Variants in PRR16 observed in about 807,000 individuals in gnomAD.
PRR16 encodes the protein protein Largen.
Under a neutral mutation model 18.2 loss-of-function variants are expected in PRR16, and 6 were observed. The ratio of observed to expected loss-of-function variants is 0.33; its 90% CI spans 0.18 to 0.65. The LOEUF is 0.65. Ranked by LOEUF, PRR16 falls within the 30% of genes least tolerant of loss-of-function variation. The pLI is 0.74. For synonymous variants in PRR16, 151 were observed against 147.8 expected (o/e 1.02, Z -0.16); for missense variants, 412 against 376.6 (o/e 1.09, Z -0.78).
intron 1 of PRR16, among the ~76,000 whole-genome samples, chr5:120,628,494 T>C (rs1420094186): frequency 1.3e-5 from 2 of 152,074 alleles, no homozygotes; most frequent in Non-Finnish European, 2.9e-5. Flanking sequence ...CTAGGAAGCA[T>C]ATCAATGTAT....
chr5:120,728,261 C>A, the PRR16 span, among the ~76,000 whole-genome samples: 2 of 150,806 alleles, frequency 1.3e-5, no homozygotes, highest in Non-Finnish European at 3.0e-5. Context: ...TAATTATAAG[C>A]ATTAAGACAT....
chr5:120,489,269 A>T, intron 1 of PRR16, among the ~76,000 whole-genome samples: 1 of 152,092 alleles, frequency 6.6e-6, no homozygotes, highest in Non-Finnish European at 1.5e-5. Context: ...GTCTCCCATT[A>T]TTATTGTGTG....
At chr5:120,745,761 C>T in the PRR16 span, among the ~76,000 whole-genome samples, 14 of 151,578 alleles carry the variant, frequency 9.2e-5, no homozygotes, top group Non-Finnish European at 1.8e-4. Context: ...TGCAGTGGGG[C>T]GATCTCAGCT....
At chr5:120,646,417 A>G (rs543984473) in intron 1 of PRR16, among the ~76,000 whole-genome samples, 1 of 152,112 alleles carries the variant, frequency 6.6e-6, no homozygotes, top group African/African-American at 2.4e-5. Context: ...TTAGCAGCCA[A>G]GATGAGAGTA....
chr5:120,628,875 A>G (rs1393898419), intron 1 of PRR16, among the ~76,000 whole-genome samples: 2 of 152,028 alleles, frequency 1.3e-5, no homozygotes, highest in Non-Finnish European at 2.9e-5. Flanking sequence ...TCACTTAAAG[A>G]GATACTTTTT....
chr5:120,486,044 T>G (rs949330780), intron 1 of PRR16, among the ~76,000 whole-genome samples: 1 of 152,196 alleles, frequency 6.6e-6, no homozygotes, highest in African/African-American at 2.4e-5. Flanking sequence ...TAATCCAGTC[T>G]ATCATTGTTG....
At chr5:120,621,246 A>T (rs1484475782) in intron 1 of PRR16, among the ~76,000 whole-genome samples, 1 of 152,046 alleles carries the variant, frequency 6.6e-6, no homozygotes, top group African/African-American at 2.4e-5. Context: ...GATTTTTTTG[A>T]AATATAAAGG....
chr5:120,761,562 A>T, the PRR16 span, among the ~76,000 whole-genome samples: 1 of 152,172 alleles, frequency 6.6e-6, no homozygotes, highest in African/African-American at 2.4e-5. Context: ...TTATTTTAAA[A>T]TCAAGGTATA....
At chr5:120,777,148 G>A in the PRR16 span, among the ~76,000 whole-genome samples, 6 of 151,870 alleles carry the variant, frequency 4.0e-5, no homozygotes, top group Admixed American at 6.6e-5. Flanking sequence ...AGACATTTTC[G>A]CAGACTTGAT....
chr5:120,729,488 T>C, the PRR16 span, among the ~76,000 whole-genome samples: 1 of 152,176 alleles, frequency 6.6e-6, no homozygotes, highest in Non-Finnish European at 1.5e-5. Flanking sequence ...GTGTCTATTA[T>C]GCGGCCAACA....
At chr5:120,654,995 C>G (rs1263971118) in intron 1 of PRR16, among the ~76,000 whole-genome samples, 2 of 151,746 alleles carry the variant, frequency 1.3e-5, no homozygotes, top group Non-Finnish European at 2.9e-5. Flanking sequence ...ACAAATGATG[C>G]TCAATATATA....
chr5:120,509,454 G>C (rs1750751083), intron 1 of PRR16, among the ~76,000 whole-genome samples: 1 of 152,054 alleles, frequency 6.6e-6, no homozygotes, highest in Non-Finnish European at 1.5e-5. Context: ...ATGTCTGCTT[G>C]GTTGCTGAGG....
intron 1 of PRR16, among the ~76,000 whole-genome samples, chr5:120,670,961 C>T (rs1228005907): frequency 6.6e-6 from 1 of 152,106 alleles, no homozygotes; most frequent in Non-Finnish European, 1.5e-5. Flanking sequence ...CTGCCTATTA[C>T]CTTTAGGTAA....
intron 1 of PRR16, among the ~76,000 whole-genome samples, chr5:120,518,233 C>T (rs987671957): frequency 2.0e-5 from 3 of 152,134 alleles, no homozygotes; most frequent in Admixed American, 6.6e-5. Context: ...GTTTTTAATA[C>T]ATCTTAATTC....
chr5:120,564,971 G>A (rs1752690764), intron 1 of PRR16, among the ~76,000 whole-genome samples: 1 of 144,084 alleles, frequency 6.9e-6, no homozygotes, highest in Admixed American at 7.0e-5. Context: ...GGGTGACAGA[G>A]CAAGACTCTG....
intron 1 of PRR16, among the ~76,000 whole-genome samples, chr5:120,538,013 T>G (rs909817852): frequency 3.3e-5 from 5 of 151,890 alleles, no homozygotes; most frequent in Non-Finnish European, 7.4e-5. Context: ...CCTGACCTCG[T>G]GATCCGCCCG....
At chr5:120,573,494 A>G (rs1752971354) in intron 1 of PRR16, among the ~76,000 whole-genome samples, 1 of 151,984 alleles carries the variant, frequency 6.6e-6, no homozygotes, top group African/African-American at 2.4e-5. Flanking sequence ...TTCAGATGCT[A>G]ATTTTATTGT....
intron 1 of PRR16, among the ~76,000 whole-genome samples, chr5:120,522,573 G>A (rs1751220472): frequency 6.6e-6 from 1 of 152,052 alleles, no homozygotes; most frequent in African/African-American, 2.4e-5. Context: ...CTGGATATTA[G>A]CCCTTTGTCA....
chr5:120,695,088 C>T, the PRR16 span, among the ~76,000 whole-genome samples: 1 of 152,122 alleles, frequency 6.6e-6, no homozygotes, highest in South Asian at 2.1e-4. Context: ...TGAATATTGC[C>T]AATAAAAGTC....
Sources: gnomAD v4.1 joint callset for allele counts (sites outside exome capture counted in the v4.1 genomes callset) on GRCh38, gnomAD v4.1.1 for gene constraint, MANE v1.5 for transcripts, NCBI Gene and HGNC (gene_info 2026-07-23, HGNC 2026-07-21) for gene names.